The following UGT3A1 variants were observed in gnomAD, a reference collection of about 807,000 sequenced individuals.
UGT3A1 encodes the protein UDP glycosyltransferase family 3 member A1.
In UGT3A1, 40 loss-of-function variants were observed where a neutral mutation model predicts 37.6. The observed-to-expected ratio is 1.06, with a 90% CI of 0.83 to 1.38. The LOEUF is 1.38. UGT3A1 is among the 40% of genes most tolerant of loss of function. The pLI is 0.00. For missense variants in UGT3A1, 642 were observed against 634.2 expected, an observed-to-expected ratio of 1.01 and a Z score of -0.13; for synonymous variants, 256 against 232.3, an observed-to-expected ratio of 1.10 and a Z score of -0.93.
chr5:35,952,615 A>C lies in UGT3A1; in HGVS notation c.*1587T>G, dbSNP rs1163938239. On this transcript the variant is annotated 3_prime_UTR_variant, in exon 7 of 7. Transcript: ENST00000274278. Reference sequence around the variant, plus strand: ...CTGGCCAGGGAGGCTTATCCCTAAGACCTTATGTTGCTCATGAGGGGAATG... The same window carrying C: ...CTGGCCAGGGAGGCTTATCCCTAAGCCCTTATGTTGCTCATGAGGGGAATG... 6.6e-6 allele frequency: 1 copy of C among 152,148 alleles called. No individual in the cohort carries two copies. The highest frequency in any genetic ancestry group is 1.5e-5 in the Non-Finnish European group (1 of 68,038). The allele number at this position is 152,148 out of a possible 1,614,324, so 9.4% of individuals were successfully genotyped here. A position where few individuals can be genotyped will look rare whatever the true frequency, so the allele number is the denominator to read the frequency against.
chr5:35,969,300 C>T (rs1015401551), intron 2 of UGT3A1, among the ~76,000 whole-genome samples: 1 of 152,088 alleles, frequency 6.6e-6, no homozygotes, highest in African/African-American at 2.4e-5. Context: ...TCCAGATGAA[C>T]AGAATTATTA....
upstream of UGT3A1, among the ~76,000 whole-genome samples, chr5:35,995,217 G>C (rs918977593): frequency 6.6e-6 from 1 of 152,060 alleles, no homozygotes; most frequent in Non-Finnish European, 1.5e-5. Flanking sequence ...GGTCAGATCT[G>C]TTCCCCCCTT....
intron 2 of UGT3A1, among the ~76,000 whole-genome samples, chr5:35,977,593 G>A (rs1399494269): frequency 6.6e-6 from 1 of 152,146 alleles, no homozygotes; most frequent in Non-Finnish European, 1.5e-5. Context: ...CTCCCCCTTT[G>A]TCTTCTGCTA....
chr5:35,973,172 A>C (rs1361123762), intron 2 of UGT3A1, among the ~76,000 whole-genome samples: 1 of 152,196 alleles, frequency 6.6e-6, no homozygotes, highest in Non-Finnish European at 1.5e-5. Flanking sequence ...TCTCTTTTGC[A>C]TGAGAAACTG....
rs374377850 is a variant in UGT3A1 at position 35,999,106 on chromosome 5, C to T, written c.-159-1777G>A. Among the ~76,000 whole-genome samples, 397 of 151,606 alleles carry T rather than the reference C, an allele frequency of 2.6e-3. 2 individuals are homozygous for T. The highest frequency in any genetic ancestry group is 9.3e-3 in the African/African-American group (384 of 41,340). ...AAAAAAGTTAGCCGGGCATGGTGGC[C>T]GGCGCCTGTATTCCCAGCTACTCGG... On this transcript the variant is annotated intron_variant, in intron 1 of 5. Transcript: ENST00000625798.
upstream of UGT3A1, among the ~76,000 whole-genome samples, chr5:35,995,581 AAAGCT>A (rs1741076037): frequency 6.6e-6 from 1 of 152,234 alleles, no homozygotes; most frequent in Non-Finnish European, 1.5e-5. Flanking sequence ...CTCAGAAGCT[AAAGCT>A]AAGGAATGGC....
intron 2 of UGT3A1, among the ~76,000 whole-genome samples, chr5:35,972,570 T>A (rs2149970951): frequency 6.6e-6 from 1 of 151,582 alleles, no homozygotes; most frequent in South Asian, 2.1e-4. Context: ...CCTAGGATTC[T>A]GGTTTCCTAG....
upstream of UGT3A1, among the ~76,000 whole-genome samples, chr5:35,993,379 G>A (rs544291236): frequency 1.8e-4 from 27 of 151,998 alleles, no homozygotes; most frequent in Non-Finnish European, 3.8e-4. Context: ...CAGGAGAATC[G>A]CTGGAACCCA....
At chr5:35,988,181 A>G (rs925603264) in intron 2 of UGT3A1, among the ~76,000 whole-genome samples, 3 of 152,228 alleles carry the variant, frequency 2.0e-5, no homozygotes, top group Non-Finnish European at 4.4e-5. Context: ...ATTCCTCAAA[A>G]TAATTAATAA....
rs183549396 is a variant in UGT3A1 at position 35,955,793 on chromosome 5, C to A, written c.1147G>T (p.Val383Leu). ...TTGACTGGTAATCCCACCATGGGCA[C>A]ACCATGACGGATGGCCTCCATTACG... ...NSVMEAIRHG[V>L]PMVGLPVNGD... The change falls in exon 6 of 7, where the codon GTG (valine) becomes TTG (leucine). Residue 383 changes from valine to leucine, a missense_variant. Val to Leu is a conservative substitution (Grantham distance 32, BLOSUM62 1). Coordinates refer to ENST00000274278, the MANE Select transcript of UGT3A1 (RefSeq NM_152404.4). The A allele has an allele frequency of 2.2e-4, 348 of 1,614,214 alleles. 7 individuals carry two copies. In the South Asian group the frequency reaches 2.6e-3, roughly 12 times the overall value.
Position 35,965,428 on chromosome 5 carries a change from A to T in UGT3A1, c.801T>A (p.Tyr267Ter). 1 of 1,614,154 alleles carries T rather than the reference A, an allele frequency of 6.2e-7. No homozygotes were observed. Among genetic ancestry groups the T allele is most frequent in the Non-Finnish European group, 8.5e-7 (1 of 1,180,014 alleles). ...TAGGTTTTTCCATCAAGCCTCCAAT[A>T]TAAACAGTGTTGGGAAGCAGGGGCC... ...FARPLLPNTVYIGGLMEKPIK... is the reference protein window; with the variant it reads ...FARPLLPNTV Residue 267 changes from tyrosine to a stop codon, truncating the protein, a stop_gained, in exon 4 of 7, where the codon TAT (tyrosine) becomes TAA (stop). Transcript: ENST00000274278. LOFTEE classifies it high-confidence loss of function.
chr5:35,955,836 A>G lies in UGT3A1; in HGVS notation c.1104T>C (p.Thr368=), dbSNP rs1277841869. 7 of 1,614,098 alleles carry G rather than the reference A, an allele frequency of 4.3e-6. No homozygotes were observed. Among genetic ancestry groups the G allele is most frequent in the Non-Finnish European group, 5.1e-6 (6 of 1,180,042 alleles). ...LAHPSIRLFV[T]HGGQNSVMEA... ...CCATTACGCTGTTCTGCCCACCATG[A>G]GTGACAAAAAGACGGATGCTGGGGT... The change falls in exon 6 of 7, where the codon ACT becomes ACC. Residue 368 remains threonine, a synonymous_variant. Coordinates refer to ENST00000274278, the MANE Select transcript of UGT3A1 (RefSeq NM_152404.4).
At chr5:35,957,507 T>G in intron 4 of UGT3A1, 88 bp from the exon 5 acceptor site, 1 of 1,047,810 alleles carries the variant, frequency 9.5e-7, no homozygotes, top group Non-Finnish European at 1.4e-6. Context: ...TTACTAAACA[T>G]ACCCTCCCAT....
chr5:35,971,003 G>C (rs1173405884), intron 2 of UGT3A1, among the ~76,000 whole-genome samples: 1 of 150,944 alleles, frequency 6.6e-6, no homozygotes, highest in South Asian at 2.1e-4. Context: ...TGACAAATAT[G>C]TTCCATTCAA....
chr5:35,971,046 C>A (rs1049946696), intron 2 of UGT3A1, among the ~76,000 whole-genome samples: 2 of 152,102 alleles, frequency 1.3e-5, no homozygotes, highest in Non-Finnish European at 2.9e-5. Context: ...GTCAGTTTCC[C>A]TTTATCTTTA....
At chr5:35,979,842 G>A (rs1456952303) in intron 2 of UGT3A1, among the ~76,000 whole-genome samples, 1 of 152,202 alleles carries the variant, frequency 6.6e-6, no homozygotes, top group Non-Finnish European at 1.5e-5. Context: ...TAGCTGGGGA[G>A]GCCCCACAAT....
upstream of UGT3A1, chr5:35,991,564 C>G: frequency 9.2e-7 from 1 of 1,086,872 alleles, no homozygotes; most frequent in Non-Finnish European, 1.1e-6. Context: ...TACTAAGAGC[C>G]AGGAATGACA....
Position 35,979,326 on chromosome 5 carries a change from C to T in UGT3A1, c.196+9124G>A, listed in dbSNP as rs150699020. On this transcript the variant is annotated intron_variant, in intron 2 of 6. Coordinates refer to ENST00000274278, the MANE Select transcript of UGT3A1 (RefSeq NM_152404.4). ...CTTTTTGAACTTTTATACTCTGCTT[C>T]CCTTACAAACTTATAAAACTGAATG... Among the ~76,000 whole-genome samples, 6 of 152,212 alleles carry T rather than the reference C, an allele frequency of 3.9e-5. No homozygotes were observed. In the East Asian group the frequency reaches 1.2e-3, roughly 29 times the overall value.
intron 4 of UGT3A1, among the ~76,000 whole-genome samples, chr5:35,958,823 A>G (rs1739460384): frequency 1.3e-5 from 2 of 152,232 alleles, no homozygotes; most frequent in African/African-American, 4.8e-5. Context: ...GAAACTATTT[A>G]CAACATTCTA....
Sources: allele counts gnomAD v4.1 joint callset (sites outside exome capture counted in the v4.1 genomes callset), GRCh38; gene constraint gnomAD v4.1.1; transcripts MANE v1.5; gene names NCBI Gene and HGNC (gene_info 2026-07-23, HGNC 2026-07-21).